THNSL1: variants seen among roughly 807,000 people sequenced by gnomAD.
THNSL1 encodes the protein threonine synthase-like 1.
THNSL1 carries 48 observed loss-of-function variants against 50.4 expected under a neutral mutation model. The ratio of observed to expected loss-of-function variants is 0.95; its 90% confidence interval spans 0.76 to 1.21. The LOEUF is 1.21. Ranked by LOEUF, THNSL1 falls within the 50% of genes most tolerant of loss-of-function variation. The pLI, the probability that THNSL1 is intolerant of heterozygous loss-of-function variation, is 0.00. For synonymous variants in THNSL1, 309 were observed against 306.1 expected, an observed-to-expected ratio of 1.01 and a Z score of -0.10; for missense variants, 896 against 871.7, an observed-to-expected ratio of 1.03 and a Z score of -0.35.
At chr10:24,990,915 C>T in the THNSL1 span, among the ~76,000 whole-genome samples, 1 of 152,150 alleles carries the variant, frequency 6.6e-6, no homozygotes, top group African/African-American at 2.4e-5. Flanking sequence ...GCCTGGCCAA[C>T]ATGGTGAAAC....
the THNSL1 span, among the ~76,000 whole-genome samples, chr10:24,973,841 C>T: frequency 6.6e-6 from 1 of 152,136 alleles, no homozygotes; most frequent in African/African-American, 2.4e-5. Context: ...GCAACCTCCG[C>T]TCCCTGGGTT....
rs774289015 is a variant in THNSL1, at chr10:25,025,277, A to G, written c.2054A>G (p.Asn685Ser). The G allele has an allele frequency of 1.5e-5, 24 of 1,614,110 alleles. No individual in the cohort carries two copies. The highest frequency in any genetic ancestry group is 6.7e-5 in the East Asian group (3 of 44,898). The change falls in exon 3 of 3, where the codon AAT (asparagine) becomes AGT (serine). Residue 685 changes from asparagine (N) to serine (S), a missense_variant. By Grantham distance (46) the Asn-to-Ser change is conservative. Transcript: ENST00000376356. ...CAGGCTTTAAAGATTAAAGAAATCA[A>G]TGAGACTTCATCAAGTCAGCTCTAT... ...IMQALKIKEINETSSSQLYLL... is the reference protein window; with the variant it reads ...IMQALKIKEISETSSSQLYLL...
At chr10:24,967,994 G>T in the THNSL1 span, among the ~76,000 whole-genome samples, 1 of 126,256 alleles carries the variant, frequency 7.9e-6, no homozygotes, top group African/African-American at 3.4e-5. Flanking sequence ...ATATGTGTAT[G>T]ATGTGTGTGT....
the THNSL1 span, among the ~76,000 whole-genome samples, chr10:24,964,527 C>G: frequency 6.6e-6 from 1 of 152,156 alleles, no homozygotes; most frequent in Non-Finnish European, 1.5e-5. Context: ...CCTGCACTTT[C>G]TTTTTAATAT....
At chr10:25,008,446 T>G in the THNSL1 span, among the ~76,000 whole-genome samples, 1 of 152,318 alleles carries the variant, frequency 6.6e-6, no homozygotes, top group African/African-American at 2.4e-5. Flanking sequence ...CAAAGTCAGA[T>G]ACATAACCAT....
the THNSL1 span, among the ~76,000 whole-genome samples, chr10:25,011,504 T>C: frequency 1.3e-5 from 2 of 152,138 alleles, no homozygotes; most frequent in East Asian, 1.9e-4. Flanking sequence ...ATTTAATAAA[T>C]GGTGCTGGGA....
At chr10:25,014,453 T>C (rs984843265), upstream of THNSL1, among the ~76,000 whole-genome samples, 5 of 152,066 alleles carry the variant, frequency 3.3e-5, no homozygotes, top group African/African-American at 1.2e-4. Context: ...AGTGCAATAT[T>C]ATACACATAA....
chr10:25,026,064 A>C lies in THNSL1; in HGVS notation c.*609A>C, dbSNP rs867478821. ...TGGCTAATTTTTTTATTTTTAATAG[A>C]GATGAGGTTTCGCCATGTTTTCCAG... On this transcript the variant is annotated 3_prime_UTR_variant, in exon 3 of 3. Coordinates refer to ENST00000376356, the MANE Select transcript of THNSL1 (RefSeq NM_024838.5). 1 of 154,028 alleles carries C rather than the reference A, an allele frequency of 6.5e-6. No individual in the cohort carries two copies. The highest frequency in any genetic ancestry group is 3.4e-3 in the Middle Eastern group (1 of 298). 9.5% of individuals were successfully genotyped at this position (154,028 alleles called of 1,614,324 possible).
chr10:25,024,317 G>C lies in THNSL1; in HGVS notation c.1094G>C (p.Cys365Ser), dbSNP rs151096276. 1 of 1,614,038 alleles carries C rather than the reference G, an allele frequency of 6.2e-7. No homozygotes were observed. Among genetic ancestry groups the C allele is most frequent in the African/African-American group, 1.3e-5 (1 of 74,918 alleles). ...CTTATGCCTCATATTTTTGCACACT[G>C]TATCCCACCAAGTTGCAATTATATG... is the stretch of plus-strand genomic sequence containing the variant. ...LQLMPHIFAH[C>S]IPPSCNYMIL... The change falls in exon 3 of 3, where the codon TGT (cysteine) becomes TCT (serine). Residue 365 changes from cysteine (C) to serine (S), a missense_variant. Cys to Ser is a moderately radical substitution (Grantham distance 112). Coordinates refer to ENST00000376356, the MANE Select transcript of THNSL1 (RefSeq NM_024838.5).
chr10:24,969,146 G>A, the THNSL1 span, among the ~76,000 whole-genome samples: 6 of 152,012 alleles, frequency 3.9e-5, no homozygotes, highest in African/African-American at 9.7e-5. Flanking sequence ...CACCCGCCGC[G>A]GCCTGTCGAA....
the THNSL1 span, among the ~76,000 whole-genome samples, chr10:25,009,312 G>A: frequency 6.6e-5 from 10 of 152,206 alleles, no homozygotes; most frequent in African/African-American, 2.2e-4. Context: ...GACAATTTCT[G>A]TAAGAGTTGT....
intron 2 of THNSL1, 108 bp from the exon 3 acceptor site, chr10:25,023,068 G>C (rs961881460): frequency 2.3e-5 from 16 of 710,232 alleles, no homozygotes; most frequent in Non-Finnish European, 3.6e-5. Flanking sequence ...AACAGTTTAT[G>C]TACCATGGGC....
intron 1 of THNSL1, among the ~76,000 whole-genome samples, chr10:25,017,402 A>G (rs1054943130): frequency 2.0e-5 from 3 of 152,186 alleles, no homozygotes; most frequent in Non-Finnish European, 4.4e-5. Context: ...CCACCGGTAC[A>G]GAGGCCACTC....
chr10:25,020,331 A>G (rs1444167854), intron 1 of THNSL1, among the ~76,000 whole-genome samples: 1 of 151,778 alleles, frequency 6.6e-6, no homozygotes, highest in Admixed American at 6.6e-5. Flanking sequence ...TTTAAAAACA[A>G]GAGGGTAGAG....
At chr10:24,962,832 A>G in the THNSL1 span, among the ~76,000 whole-genome samples, 1 of 152,154 alleles carries the variant, frequency 6.6e-6, no homozygotes, top group African/African-American at 2.4e-5. Flanking sequence ...CATTATCTCA[A>G]TTTGTCTCTT....
chr10:25,023,716 C>G lies in THNSL1; in HGVS notation c.493C>G (p.Leu165Val). 1 of 1,613,696 alleles carries G rather than the reference C, an allele frequency of 6.2e-7. No individual in the cohort carries two copies. Among genetic ancestry groups the G allele is most frequent in the Non-Finnish European group, 8.5e-7 (1 of 1,179,984 alleles). ...ACCTCTACTAGATCTAATTTGTCGT[C>G]TAAAATTAATGAAGACAGATAGGAT... is the stretch of plus-strand genomic sequence containing the variant. ...DVPLLDLICR[L>V]KLMKTDRIVG... The change falls in exon 3 of 3, where the codon CTA becomes GTA. Residue 165 changes from leucine (L) to valine (V), a missense_variant. Physicochemically the swap from Leu to Val is conservative, Grantham distance 32. Coordinates refer to ENST00000376356, the MANE Select transcript of THNSL1 (RefSeq NM_024838.5).
At chr10:25,000,816 GT>G in the THNSL1 span, among the ~76,000 whole-genome samples, 1 of 151,738 alleles carries the variant, frequency 6.6e-6, no homozygotes, top group South Asian at 2.1e-4. Flanking sequence ...CCAGCTTGCT[GT>G]TTTTTTACAT....
the THNSL1 span, among the ~76,000 whole-genome samples, chr10:25,004,384 A>C: frequency 6.6e-6 from 1 of 151,856 alleles, no homozygotes; most frequent in Admixed American, 6.6e-5. Context: ...ACTAATTTAC[A>C]CTCCCATCAG....
the THNSL1 span, among the ~76,000 whole-genome samples, chr10:24,992,492 C>T: frequency 1.3e-5 from 2 of 152,134 alleles, no homozygotes. Flanking sequence ...TAGCCATATG[C>T]CCTGAATTGC....
Sources: gnomAD v4.1 joint callset for allele counts (sites outside exome capture counted in the v4.1 genomes callset) on GRCh38, gnomAD v4.1.1 for gene constraint, MANE v1.5 for transcripts, NCBI Gene and HGNC (gene_info 2026-07-23, HGNC 2026-07-21) for gene names.